Variants in MAP3K19 observed in about 807,000 individuals in gnomAD.
MAP3K19 encodes mitogen-activated protein kinase kinase kinase 19, also known as SPS1/STE20-related protein kinase YSK4.
In MAP3K19, 91 loss-of-function variants were observed where a neutral mutation model predicts 114.4. The observed-to-expected ratio is 0.80, with a 90% CI of 0.67 to 0.95. The LOEUF is 0.95. Ranked by LOEUF, MAP3K19 falls within the 40% of genes least tolerant of loss-of-function variation. MAP3K19 has a pLI of 0.00. For synonymous variants in MAP3K19, 518 were observed against 530.5 expected, an observed-to-expected ratio of 0.98 and a Z score of 0.32; for missense variants, 1,471 against 1,573.2, an observed-to-expected ratio of 0.94 and a Z score of 1.10.
intron 6 of MAP3K19, among the ~76,000 whole-genome samples, chr2:135,000,763 G>A (rs1411228308): frequency 6.6e-6 from 1 of 152,148 alleles, no homozygotes; most frequent in Non-Finnish European, 1.5e-5. Flanking sequence ...GTGTCCTTCC[G>A]GGAGGACGCA....
At chr2:135,009,108 T>C (rs1235755411) in intron 5 of MAP3K19, among the ~76,000 whole-genome samples, 1 of 147,398 alleles carries the variant, frequency 6.8e-6, no homozygotes, top group Non-Finnish European at 1.5e-5. Flanking sequence ...CCCACCACCA[T>C]GCCTGGCTAA....
chr2:135,026,099 T>C (rs1267221991), intron 3 of MAP3K19, among the ~76,000 whole-genome samples: 7 of 152,254 alleles, frequency 4.6e-5, no homozygotes, highest in African/African-American at 4.8e-5. Flanking sequence ...AGAAATAGCA[T>C]AGGACTGAGA....
chr2:134,973,308 C>A (rs1157039232), intron 12 of MAP3K19, among the ~76,000 whole-genome samples: 1 of 152,194 alleles, frequency 6.6e-6, no homozygotes, highest in Non-Finnish European at 1.5e-5. Context: ...CCTGGGTGCT[C>A]TGGTGCAGGG....
At chr2:135,020,777 ACTCT>A (rs1054606112) in intron 5 of MAP3K19, among the ~76,000 whole-genome samples, 14 of 151,982 alleles carry the variant, frequency 9.2e-5, no homozygotes, top group African/African-American at 2.7e-4. Flanking sequence ...TTTCCCCTGC[ACTCT>A]CTCTGTCTCT....
chr2:135,013,315 A>G (rs1687363680), intron 5 of MAP3K19, among the ~76,000 whole-genome samples: 1 of 145,348 alleles, frequency 6.9e-6, no homozygotes, highest in South Asian at 2.3e-4. Flanking sequence ...CCGTCCCAAA[A>G]AAAAAAAAAA....
intron 2 of MAP3K19, among the ~76,000 whole-genome samples, chr2:135,034,878 G>A (rs1688494199): frequency 8.0e-6 from 1 of 125,614 alleles, no homozygotes. Flanking sequence ...AGAGGGAGAG[G>A]GAGAGCCAAA....
intron 5 of MAP3K19, among the ~76,000 whole-genome samples, chr2:135,007,157 C>T (rs1686882516): frequency 7.2e-6 from 1 of 139,092 alleles, no homozygotes; most frequent in African/African-American, 3.0e-5. Context: ...TGAGTGAGAC[C>T]CTGTCTCAAA....
At chr2:135,030,782 G>T (rs62168930) in intron 2 of MAP3K19, among the ~76,000 whole-genome samples, 6,376 of 152,272 alleles carry the variant, frequency 0.042, 160 homozygotes, top group African/African-American at 0.056. Context: ...AAGGGAGCAG[G>T]CATGGTTTTG....
Position 134,987,346 on chromosome 2 carries a change from T to C in MAP3K19, c.1526A>G (p.Lys509Arg). ...VIAKPSLQTR[K>R]GTIHNNHSVN... ...ACTATGGTTGTTATGAATGGTTCCC[T>C]TTCTTGTTTGGAGGCTTGGTTTGGC... The change falls in exon 10 of 13, where the codon AAG becomes AGG. Residue 509 changes from lysine (K) to arginine (R), a missense_variant. By Grantham distance (26) the Lys-to-Arg change is conservative. Transcript: ENST00000392915. 6.2e-7 allele frequency: 1 copy of C among 1,614,228 alleles called. No homozygotes were observed. Among genetic ancestry groups the C allele is most frequent in the South Asian group, 1.1e-5 (1 of 91,086 alleles).
intron 5 of MAP3K19, among the ~76,000 whole-genome samples, chr2:135,005,838 C>G (rs1442037226): frequency 6.6e-6 from 1 of 152,166 alleles, no homozygotes; most frequent in Non-Finnish European, 1.5e-5. Flanking sequence ...GCCCCAAATT[C>G]CATCTGGGTA....
rs1323557668 is a variant in MAP3K19, at chr2:134,983,726, G to T, written c.3172C>A (p.Pro1058Thr). The T allele has an allele frequency of 6.2e-7, 1 of 1,600,824 alleles. No individual in the cohort carries two copies. The highest frequency in any genetic ancestry group is 2.2e-5 in the East Asian group (1 of 44,496). ...FSENSLKSEEPILWTKGEILG... is the reference protein window; with the variant it reads ...FSENSLKSEETILWTKGEILG... ...ATCTCACCCTTGGTCCATAGGATAG[G>T]TTCTTCAGACTTTAAACTATTTTCA... is the stretch of plus-strand genomic sequence containing the variant. Residue 1058 changes from proline (P) to threonine (T), a missense_variant, in exon 11 of 13, where the codon CCT becomes ACT. Coordinates refer to ENST00000392915, the MANE Select transcript of MAP3K19 (RefSeq NM_025052.5).
chr2:135,019,292 TG>T (rs1248311134), intron 5 of MAP3K19, among the ~76,000 whole-genome samples: 1 of 152,098 alleles, frequency 6.6e-6, no homozygotes, highest in Non-Finnish European at 1.5e-5. Flanking sequence ...ATTAAAAGGA[TG>T]AAAAAAAGTC....
chr2:134,978,084 A>T (rs867229340), intron 12 of MAP3K19, among the ~76,000 whole-genome samples: 1 of 152,092 alleles, frequency 6.6e-6, no homozygotes, highest in Admixed American at 6.6e-5. Context: ...GTTATGTGCT[A>T]GACTTGATGC....
rs1686742907 is a variant in MAP3K19, at chr2:135,005,437, T to C, written c.233A>G (p.Glu78Gly). 2 of 1,605,754 alleles carry C rather than the reference T, an allele frequency of 1.2e-6. No homozygotes were observed. Among genetic ancestry groups the C allele is most frequent in the East Asian group, 4.5e-5 (2 of 44,836 alleles). The change falls in exon 6 of 13, where the codon GAA (glutamate) becomes GGA (glycine). Residue 78 changes from glutamate to glycine, a missense_variant and splice_region_variant. Transcript: ENST00000392915. ...CATCAAGGAGTAAAGCCCAGTACCT[T>C]CTGTCCTGGGTTGCCAGTCCTGTCT... ...GGRQDWQPRT[E>G]GVEITVTFPR...
intron 5 of MAP3K19, among the ~76,000 whole-genome samples, chr2:135,013,049 G>A (rs1687344521): frequency 6.6e-6 from 1 of 152,182 alleles, no homozygotes. Flanking sequence ...GCCGGGCACA[G>A]TGGCTCTCGC....
chr2:135,036,715 T>C (rs937769617), intron 2 of MAP3K19, among the ~76,000 whole-genome samples: 1 of 150,562 alleles, frequency 6.6e-6, no homozygotes, highest in African/African-American at 2.4e-5. Context: ...CATCCTCACA[T>C]GATTGAAGGA....
At chr2:134,966,530 C>G (rs1683361351) in intron 12 of MAP3K19, among the ~76,000 whole-genome samples, 1 of 152,120 alleles carries the variant, frequency 6.6e-6, no homozygotes, top group Admixed American at 6.5e-5. Context: ...CCAGCTTTCT[C>G]CTGATTAGAG....
intron 5 of MAP3K19, among the ~76,000 whole-genome samples, chr2:135,008,384 G>A (rs981599940): frequency 2.6e-5 from 4 of 152,346 alleles, no homozygotes; most frequent in South Asian, 2.1e-4. Context: ...GCCTCCCAAA[G>A]TGCTGGGATT....
Position 134,986,002 on chromosome 2 carries a change from A to T in MAP3K19, c.2870T>A (p.Met957Lys). The change falls in exon 10 of 13, where the codon ATG (methionine) becomes AAG (lysine). Residue 957 changes from methionine to lysine, a missense_variant. Coordinates refer to ENST00000392915, the MANE Select transcript of MAP3K19 (RefSeq NM_025052.5). The stretch of plus-strand genomic sequence containing the variant: ...CAATTCTTCATTATTTACAGAGTCC[A>T]TAATTTCTTGGGAAATTGAATTTGT... Reference protein sequence around the residue: ...SGTNSISQEIMDSVNNEELTD... With the variant: ...SGTNSISQEIKDSVNNEELTD... 6.2e-7 allele frequency: 1 copy of T among 1,613,410 alleles called. No individual in the cohort carries two copies. The highest frequency in any genetic ancestry group is 8.5e-7 in the Non-Finnish European group (1 of 1,179,780).
Sources: allele counts gnomAD v4.1 joint callset (sites outside exome capture counted in the v4.1 genomes callset), GRCh38; gene constraint gnomAD v4.1.1; transcripts MANE v1.5; gene names NCBI Gene and HGNC (gene_info 2026-07-23, HGNC 2026-07-21).